ZFHX3: variants seen among roughly 807,000 people sequenced by gnomAD.
The protein encoded by ZFHX3 is zinc finger homeobox protein 3.
In ZFHX3, 42 loss-of-function variants were observed where a neutral mutation model predicts 279.1. The ratio of observed to expected loss-of-function variants is 0.15; its 90% CI spans 0.12 to 0.19. The LOEUF (loss-of-function observed/expected upper bound fraction) is 0.19, where lower values mean the gene tolerates loss of function less well. ZFHX3 is among the 10% of genes least tolerant of loss of function. The pLI, the probability that ZFHX3 is intolerant of heterozygous loss-of-function variation, is 1.00. For synonymous variants in ZFHX3, 2,293 were observed against 1,957.8 expected (o/e 1.17, Z -4.52); for missense variants, 4,981 against 4,754.0 (o/e 1.05, Z -1.40).
At chr16:73,552,716 C>T (rs1021439439) in intron 2 of ZFHX3, among the ~76,000 whole-genome samples, 6 of 148,534 alleles carry the variant, frequency 4.0e-5, no homozygotes, top group Non-Finnish European at 8.9e-5. Flanking sequence ...GGAAGAAAGG[C>T]ATTTTGTTCA....
intron 3 of ZFHX3, among the ~76,000 whole-genome samples, chr16:73,442,876 C>T (rs181248338): frequency 9.9e-5 from 15 of 152,158 alleles, no homozygotes; most frequent in Middle Eastern, 3.4e-3. Context: ...CTCAGCCTCC[C>T]GAGCAGCTAC....
intron 1 of ZFHX3, 30 bp from the exon 2 acceptor site, chr16:72,960,224 G>GA: frequency 6.8e-7 from 1 of 1,468,456 alleles, no homozygotes; most frequent in Non-Finnish European, 9.1e-7. Flanking sequence ...GGGGAGGAGG[G>GA]AGAGAGGGGA....
At chr16:73,293,985 C>A (rs1479753199) in intron 4 of ZFHX3, 1 of 41,458 alleles carries the variant, frequency 2.4e-5, no homozygotes, top group Non-Finnish European at 4.0e-5. Flanking sequence ...AGTCAATATG[C>A]CAAAAAAAAA....
At chr16:73,652,327 G>C (rs2052679998) in intron 2 of ZFHX3, among the ~76,000 whole-genome samples, 1 of 152,114 alleles carries the variant, frequency 6.6e-6, no homozygotes, top group African/African-American at 2.4e-5. Flanking sequence ...AGAAAAATAA[G>C]ATGAGGCTTA....
At chr16:73,671,682 G>A (rs2142185439) in intron 2 of ZFHX3, among the ~76,000 whole-genome samples, 1 of 152,306 alleles carries the variant, frequency 6.6e-6, no homozygotes, top group South Asian at 2.1e-4. Flanking sequence ...GTCTAAGAAA[G>A]CAATTGCATG....
chr16:73,490,304 C>A (rs552838284), intron 2 of ZFHX3, among the ~76,000 whole-genome samples: 1 of 152,300 alleles, frequency 6.6e-6, no homozygotes, highest in South Asian at 2.1e-4. Flanking sequence ...AGATGGGAAG[C>A]TTTCCATAGT....
Position 73,476,547 on chromosome 16 carries a change from T to C in ZFHX3, c.-1546-20289A>G, listed in dbSNP as rs1250701451. ...GTGGCTTGATTGCTCTAATGGAGTA[T>C]ACACAAATATTTGTAAATTTAAACC... On this transcript the variant is annotated intron_variant, in intron 2 of 17. Coordinates refer to the ZFHX3 transcript ENST00000641206. 3.3e-5 allele frequency among the ~76,000 whole-genome samples: 5 copies of C among 152,322 alleles called. No individual in the cohort carries two copies. The South Asian group carries it at 6.2e-4, about 19-fold the overall frequency.
chr16:73,544,235 T>G (rs1270915681), intron 2 of ZFHX3, among the ~76,000 whole-genome samples: 1 of 152,170 alleles, frequency 6.6e-6, no homozygotes, highest in African/African-American at 2.4e-5. Flanking sequence ...TGTTTTACAT[T>G]TATTTCCGCA....
intron 1 of ZFHX3, among the ~76,000 whole-genome samples, chr16:73,861,315 C>A (rs1045428847): frequency 6.6e-6 from 1 of 152,104 alleles, no homozygotes; most frequent in African/African-American, 2.4e-5. Flanking sequence ...TCAAAATTGT[C>A]TGCTTAACCA....
chr16:73,327,326 C>T (rs2015710750), intron 3 of ZFHX3, among the ~76,000 whole-genome samples: 1 of 152,108 alleles, frequency 6.6e-6, no homozygotes, highest in South Asian at 2.1e-4. Flanking sequence ...CCCAATATTC[C>T]AAGTATTCCA....
rs979434664 is a variant in ZFHX3, at chr16:73,871,176, C to T, written c.-1608+20475G>A. The stretch of plus-strand genomic sequence containing the variant: ...GTCAAGGTTGGCACAGCACATGGTG[C>T]TCAATTACACTGGATTTTAGCCCTC... On this transcript the variant is annotated intron_variant, in intron 1 of 17. Transcript: ENST00000641206. Among the ~76,000 whole-genome samples, 6 of 152,164 alleles carry T rather than the reference C, an allele frequency of 3.9e-5. No homozygotes were observed. In the South Asian group the frequency reaches 1.2e-3, roughly 32 times the overall value.
At position 72,784,919 on chromosome 16, in the gene ZFHX3, GAAA is replaced by G. The variant is rs568850105; in HGVS notation, c.*2242_*2244del. On this transcript the variant is annotated 3_prime_UTR_variant, in exon 10 of 10. Transcript: ENST00000268489. ...AAATAAAATAGTCCCGGCTAAAAAA[GAAA>G]AAAAGAAAAAAAATCCATTTTCAGA... 2.0e-5 allele frequency: 3 copies of G among 151,880 alleles called. No individual in the cohort carries two copies. The highest frequency in any genetic ancestry group is 7.3e-5 in the African/African-American group (3 of 41,246). The allele number at this position is 151,880 out of a possible 1,614,324, so 9.4% of individuals were successfully genotyped here. A position where few individuals can be genotyped will look rare whatever the true frequency, so the allele number is the denominator to read the frequency against.
At chr16:73,803,802 A>T (rs1325983721) in intron 1 of ZFHX3, among the ~76,000 whole-genome samples, 1 of 152,228 alleles carries the variant, frequency 6.6e-6, no homozygotes, top group African/African-American at 2.4e-5. Flanking sequence ...GTAAAATAAA[A>T]GGAACAATTT....
At chr16:73,272,898 C>G (rs1354977621) in intron 4 of ZFHX3, among the ~76,000 whole-genome samples, 1 of 152,124 alleles carries the variant, frequency 6.6e-6, no homozygotes, top group Non-Finnish European at 1.5e-5. Flanking sequence ...AGGCAGGTGC[C>G]ATCACACCTG....
intron 8 of ZFHX3, among the ~76,000 whole-genome samples, chr16:73,081,839 T>C (rs1480920267): frequency 6.7e-6 from 1 of 150,006 alleles, no homozygotes; most frequent in Admixed American, 6.6e-5. Flanking sequence ...CCACATCTTT[T>C]TTTTTTTTTT....
chr16:73,216,320 A>G (rs1199069961), intron 5 of ZFHX3, among the ~76,000 whole-genome samples: 1 of 152,162 alleles, frequency 6.6e-6, no homozygotes, highest in African/African-American at 2.4e-5. Flanking sequence ...CATGTCATTC[A>G]AGGTCCCCAG....
chr16:73,490,022 A>G (rs140764011), intron 2 of ZFHX3, among the ~76,000 whole-genome samples: 2 of 152,374 alleles, frequency 1.3e-5, no homozygotes, highest in African/African-American at 4.8e-5. Flanking sequence ...TGTGCCATTT[A>G]TATAATTGTT....
Position 72,788,119 on chromosome 16 carries a change from TGCTGCTGTAGTTGCC to T in ZFHX3, c.10142_10156del (p.Arg3381_Gln3385del), listed in dbSNP as rs756412830. On this transcript the variant is annotated inframe_deletion, in exon 10 of 10. Coordinates refer to ENST00000268489, the MANE Select transcript of ZFHX3 (RefSeq NM_006885.4). ...CTGCTGCTGCACTTTTTGCTGCTGC[TGCTGCTGTAGTTGCC>T]GCTGCTGCTGCTGCTGAATTGCCTC... is the stretch of plus-strand genomic sequence containing the variant. 9.4e-6 allele frequency: 15 copies of T among 1,596,892 alleles called. No homozygotes were observed. The highest frequency in any genetic ancestry group is 3.4e-5 in the Admixed American group (2 of 59,582).
chr16:73,883,966 A>G (rs2030263499), intron 1 of ZFHX3, among the ~76,000 whole-genome samples: 1 of 152,154 alleles, frequency 6.6e-6, no homozygotes, highest in African/African-American at 2.4e-5. Flanking sequence ...TCTTATCTAA[A>G]TCAAGTTCCC....
Sources: allele counts gnomAD v4.1 joint callset (sites outside exome capture counted in the v4.1 genomes callset), GRCh38; gene constraint gnomAD v4.1.1; transcripts MANE v1.5; gene names NCBI Gene and HGNC (gene_info 2026-07-23, HGNC 2026-07-21).